The following CMIP variants were observed in gnomAD, a reference collection of about 807,000 sequenced individuals.
CMIP encodes the protein c-Maf inducing protein.
In CMIP, 13 loss-of-function variants were observed where a neutral mutation model predicts 97.3. The observed-to-expected ratio is 0.13, with a 90% CI of 0.09 to 0.21. The LOEUF is 0.21. Ranked by LOEUF, CMIP falls within the 10% of genes least tolerant of loss-of-function variation. The pLI is 1.00. For synonymous variants in CMIP, 538 were observed against 436.3 expected, an observed-to-expected ratio of 1.23 and a Z score of -2.91; for missense variants, 847 against 1,024.9, an observed-to-expected ratio of 0.83 and a Z score of 2.37.
At chr16:81,463,759 G>C (rs1442351253) in intron 1 of CMIP, 1 of 152,306 alleles carries the variant, frequency 6.6e-6, no homozygotes, top group East Asian at 1.9e-4. Context: ...CATGGCTGTG[G>C]GTTGTGGAGC....
intron 1 of CMIP, among the ~76,000 whole-genome samples, chr16:81,466,426 G>A (rs887954955): frequency 7.2e-5 from 11 of 152,188 alleles, no homozygotes; most frequent in African/African-American, 2.7e-4. Context: ...CCAGGGATGT[G>A]CAGTTGCTGT....
intron 1 of CMIP, among the ~76,000 whole-genome samples, chr16:81,491,160 G>A (rs999283638): frequency 7.9e-5 from 12 of 152,122 alleles, no homozygotes; most frequent in Non-Finnish European, 1.2e-4. Flanking sequence ...CATTATCCTC[G>A]TGAGGGCTCA....
chr16:81,632,115 T>C (rs1179560530), intron 3 of CMIP: 3 of 152,262 alleles, frequency 2.0e-5, no homozygotes, highest in African/African-American at 7.2e-5. Flanking sequence ...TTCTGACTGC[T>C]GTACTCACCT....
At chr16:81,608,810 T>C (rs1411193889) in intron 2 of CMIP, among the ~76,000 whole-genome samples, 2 of 152,232 alleles carry the variant, frequency 1.3e-5, no homozygotes, top group African/African-American at 4.8e-5. Context: ...AAATTTACTC[T>C]CTTATCAGTG....
At chr16:81,626,344 G>C (rs2092062661) in intron 3 of CMIP, among the ~76,000 whole-genome samples, 1 of 151,764 alleles carries the variant, frequency 6.6e-6, no homozygotes, top group Admixed American at 6.6e-5. Flanking sequence ...TCTGTGTGTG[G>C]TGTGTGAGGT....
At chr16:81,455,990 G>A (rs1906521852) in intron 1 of CMIP, among the ~76,000 whole-genome samples, 1 of 152,234 alleles carries the variant, frequency 6.6e-6, no homozygotes, top group Admixed American at 6.5e-5. Context: ...AGTGCAGTGG[G>A]GTCTCAGCTG....
chr16:81,650,007 C>T (rs779110352), intron 3 of CMIP, among the ~76,000 whole-genome samples: 47 of 152,168 alleles, frequency 3.1e-4, no homozygotes, highest in Non-Finnish European at 5.1e-4. Context: ...TAGGACAGGG[C>T]GGCTTTGGTT....
rs528106721 is a variant in CMIP, at chr16:81,534,124, G to A, written c.301-73443G>A. On this transcript the variant is annotated intron_variant, in intron 1 of 20. Coordinates refer to ENST00000537098, the MANE Select transcript of CMIP (RefSeq NM_198390.3). ...CCACACTGGTTCCTGCACCCGGGCAGCCTGTGGCCAGGCTGCGTTTCAAAG... is the reference window on the plus strand; with the variant it reads ...CCACACTGGTTCCTGCACCCGGGCAACCTGTGGCCAGGCTGCGTTTCAAAG... Among the ~76,000 whole-genome samples the A allele has an allele frequency of 5.3e-5, 8 of 152,224 alleles. No homozygotes were observed. The East Asian group carries it at 1.3e-3, about 26-fold the overall frequency.
At chr16:81,553,790 AAAG>A (rs1453267401) in intron 1 of CMIP, among the ~76,000 whole-genome samples, 1 of 148,822 alleles carries the variant, frequency 6.7e-6, no homozygotes, top group Non-Finnish European at 1.5e-5. Flanking sequence ...AGGAAAAAGC[AAAG>A]AAGGAGGCAT....
At chr16:81,537,663 C>T (rs957373435) in intron 1 of CMIP, among the ~76,000 whole-genome samples, 6 of 151,416 alleles carry the variant, frequency 4.0e-5, no homozygotes, top group Non-Finnish European at 2.9e-5. Flanking sequence ...GCCAGGAGTT[C>T]GAGACCAGCC....
At chr16:81,478,255 A>G (rs1382316167) in intron 1 of CMIP, among the ~76,000 whole-genome samples, 1 of 152,216 alleles carries the variant, frequency 6.6e-6, no homozygotes, top group Non-Finnish European at 1.5e-5. Context: ...CACATGTAGC[A>G]CAGTGGAAGG....
chr16:81,651,290 C>T, intron 3 of CMIP: 1 of 273,556 alleles, frequency 3.7e-6, no homozygotes, highest in Non-Finnish European at 5.6e-6. Flanking sequence ...GGAGGGAGTG[C>T]TTGGCCCAGA....
chr16:81,670,340 T>A, intron 8 of CMIP, 95 bp downstream of exon 8: 3 of 1,308,292 alleles, frequency 2.3e-6, no homozygotes. Flanking sequence ...GTCGTGTAAT[T>A]AAATGAAGAC....
intron 10 of CMIP, among the ~76,000 whole-genome samples, chr16:81,685,507 C>G (rs1165106618): frequency 1.3e-5 from 2 of 152,110 alleles, no homozygotes; most frequent in Non-Finnish European, 2.9e-5. Flanking sequence ...GACATTTCTG[C>G]ATGGAATATG....
chr16:81,481,526 C>G (rs1354121849), intron 1 of CMIP, among the ~76,000 whole-genome samples: 3 of 152,194 alleles, frequency 2.0e-5, no homozygotes, highest in African/African-American at 7.2e-5. Context: ...CAGGGAGCAT[C>G]TGCGTGGGAT....
In CMIP at chr16:81,445,329, C is replaced by A; in HGVS notation, c.88C>A (p.Pro30Thr). 6.3e-7 allele frequency: 1 copy of A among 1,590,530 alleles called. No individual in the cohort carries two copies. Among genetic ancestry groups the A allele is most frequent in the South Asian group, 1.1e-5 (1 of 87,884 alleles). ...KPLLGGDVSAPEGTKMGAVPC... is the reference protein window; with the variant it reads ...KPLLGGDVSATEGTKMGAVPC... Reference sequence around the variant, plus strand: ...GCTGCTGGGGGGCGACGTGTCGGCCCCCGAAGGCACGAAGATGGGCGCCGT... The same window carrying A: ...GCTGCTGGGGGGCGACGTGTCGGCCACCGAAGGCACGAAGATGGGCGCCGT... The change falls in exon 1 of 21, where the codon CCC (proline) becomes ACC (threonine). Residue 30 changes from proline (P) to threonine (T), a missense_variant. Pro to Thr is a conservative substitution (Grantham distance 38). This residue lies in a region of CMIP where 94 missense variants were observed against 79.9 expected (regional missense o/e 1.18). Coordinates refer to ENST00000537098, the MANE Select transcript of CMIP (RefSeq NM_198390.3).
At chr16:81,503,420 G>A (rs2089647932) in intron 1 of CMIP, among the ~76,000 whole-genome samples, 1 of 152,004 alleles carries the variant, frequency 6.6e-6, no homozygotes, top group Non-Finnish European at 1.5e-5. Context: ...ATTTTTTGAG[G>A]CAGGGTCTCT....
chr16:81,523,890 C>T (rs764702297), intron 1 of CMIP, among the ~76,000 whole-genome samples: 6 of 152,246 alleles, frequency 3.9e-5, no homozygotes, highest in Non-Finnish European at 7.3e-5. Flanking sequence ...AACGTCAAGG[C>T]GTCTTGAACT....
At chr16:81,678,235 G>A in intron 9 of CMIP, 40 bp from the exon 10 acceptor site, 2 of 1,481,312 alleles carry the variant, frequency 1.4e-6, no homozygotes, top group Non-Finnish European at 9.1e-7. Context: ...ATCATGAACG[G>A]TGCCTGTACT....
Sources: gnomAD v4.1 joint callset for allele counts (sites outside exome capture counted in the v4.1 genomes callset) on GRCh38, gnomAD v4.1.1 for gene constraint, gnomAD v4.1.1 regional missense constraint, MANE v1.5 for transcripts, NCBI Gene and HGNC (gene_info 2026-07-23, HGNC 2026-07-21) for gene names.